RUFY4: variants seen among roughly 807,000 people sequenced by gnomAD.
The protein encoded by RUFY4 is RUN and FYVE domain containing 4, also known as RUN and FYVE domain-containing protein 4.
Under a neutral mutation model 69.0 loss-of-function variants are expected in RUFY4, and 73 were observed. The ratio of observed to expected loss-of-function variants is 1.06; its 90% CI spans 0.88 to 1.29. RUFY4 has a LOEUF of 1.29. Ranked by LOEUF, RUFY4 falls within the 50% of genes most tolerant of loss-of-function variation. RUFY4 has a pLI of 0.00. For missense variants in RUFY4, 770 were observed against 705.6 expected (o/e 1.09, Z -1.03); for synonymous variants, 287 against 271.8 (o/e 1.06, Z -0.55).
chr2:218,062,857 A>C (rs1051183339), intron 3 of RUFY4, among the ~76,000 whole-genome samples: 1 of 152,246 alleles, frequency 6.6e-6, no homozygotes, highest in Non-Finnish European at 1.5e-5. Context: ...ATGAGCAGAC[A>C]CAGCCAGCCT....
chr2:218,080,844 A>C (rs1411328434), intron 8 of RUFY4, among the ~76,000 whole-genome samples: 2 of 151,778 alleles, frequency 1.3e-5, no homozygotes, highest in African/African-American at 4.8e-5. Flanking sequence ...AGGTGTAGGG[A>C]GGCAAAAAGA....
intron 2 of RUFY4, among the ~76,000 whole-genome samples, chr2:218,048,526 A>G (rs1434631793): frequency 6.6e-6 from 1 of 152,048 alleles, no homozygotes; most frequent in African/African-American, 2.4e-5. Flanking sequence ...TATACCCAGA[A>G]TGGTATTTCC....
At chr2:218,089,255 G>C (rs1331583583) in exon 10 of RUFY4, 2 of 1,613,270 alleles carry the variant, frequency 1.2e-6, no homozygotes, top group Admixed American at 1.7e-5. Flanking sequence ...CCATCAGAGA[G>C]AAGGACCGCC....
intron 3 of RUFY4, chr2:218,060,900 A>G (rs1330290044): frequency 9.1e-7 from 1 of 1,096,740 alleles, no homozygotes; most frequent in Non-Finnish European, 1.4e-6. Context: ...GGACAGTAAC[A>G]GGAACAGGTT....
At chr2:218,089,412 C>A (rs774068216) in intron 10 of RUFY4, 50 bp downstream of exon 12, 2 of 1,515,640 alleles carry the variant, frequency 1.3e-6, no homozygotes, top group African/African-American at 1.4e-5. Context: ...CAGTTTCCAC[C>A]AGCTGACAGC....
chr2:218,044,799 C>T (rs1485329711), intron 2 of RUFY4, among the ~76,000 whole-genome samples: 1 of 152,174 alleles, frequency 6.6e-6, no homozygotes, highest in Non-Finnish European at 1.5e-5. Flanking sequence ...GCATAGTATT[C>T]CATGGTGTAT....
chr2:218,075,535 C>T (rs755542321), exon 7 of RUFY4: 2 of 1,549,280 alleles, frequency 1.3e-6, no homozygotes, highest in Non-Finnish European at 1.7e-6. Context: ...CTGCTGATGC[C>T]CAGCCCCAGA....
intron 4 of RUFY4, 138 bp from the exon 7 acceptor site, chr2:218,073,105 A>C: frequency 8.3e-7 from 1 of 1,206,904 alleles, no homozygotes; most frequent in Non-Finnish European, 1.1e-6. Context: ...AAGGGCCACA[A>C]CTCTGCCTGG....
Position 218,070,985 on chromosome 2 carries a change from C to T in RUFY4, c.153+126C>T. 1.3e-5 allele frequency: 9 copies of T among 674,926 alleles called. No homozygotes were observed. In the South Asian group the frequency reaches 1.5e-4, roughly 12 times the overall value. The allele number at this position is 674,926 out of a possible 1,614,324, so 41.8% of individuals were successfully genotyped here. On this transcript the variant is annotated intron_variant, in intron 2 of 10. Transcript: ENST00000344321. Reference sequence around the variant, plus strand: ...CCATGCACTGTGTCATCTCCCTCTCCCTCCTGACACCTAACCTCACTCTTG... The same window carrying T: ...CCATGCACTGTGTCATCTCCCTCTCTCTCCTGACACCTAACCTCACTCTTG...
intron 9 of RUFY4, among the ~76,000 whole-genome samples, chr2:218,087,614 A>G (rs1248906024): frequency 1.3e-5 from 2 of 152,192 alleles, no homozygotes; most frequent in Non-Finnish European, 2.9e-5. Flanking sequence ...GGATCTCCTG[A>G]GTTCAGGAGT....
intron 2 of RUFY4, among the ~76,000 whole-genome samples, chr2:218,047,561 A>T (rs554495071): frequency 7.4e-4 from 113 of 152,304 alleles, no homozygotes; most frequent in African/African-American, 2.7e-3. Flanking sequence ...CATTTTTCAC[A>T]TACATATTTG....
chr2:218,075,586 C>T lies in RUFY4; in HGVS notation c.1094C>T (p.Ser365Leu), dbSNP rs773995516. Residue 365 changes from serine to leucine, a missense_variant, in exon 7 of 11, where the codon TCG becomes TTG. Coordinates refer to ENST00000344321, the Ensembl canonical transcript of RUFY4. ...GCAGTATCAGGGAGCAGGCAGGGGT[C>T]GGGGGGCTCTAGCATCCTGGGGGAG... is the stretch of plus-strand genomic sequence containing the variant. The T allele has an allele frequency of 3.9e-6, 6 of 1,524,724 alleles. No individual in the cohort carries two copies. In the East Asian group the frequency reaches 6.8e-5, roughly 17 times the overall value. The allele number at this position is 1,524,724 out of a possible 1,614,324, so 94.4% of individuals were successfully genotyped here.
upstream of RUFY4, among the ~76,000 whole-genome samples, chr2:218,068,022 C>T (rs1414575021): frequency 2.6e-5 from 4 of 152,072 alleles, no homozygotes; most frequent in East Asian, 1.9e-4. Context: ...GAGAAACCAG[C>T]GCCACACCTG....
chr2:218,068,276 G>T (rs1257366655), upstream of RUFY4, among the ~76,000 whole-genome samples: 1 of 152,080 alleles, frequency 6.6e-6, no homozygotes, highest in Non-Finnish European at 1.5e-5. Context: ...GAAGGGCAGG[G>T]TGCTGGAGGA....
intron 8 of RUFY4, among the ~76,000 whole-genome samples, chr2:218,076,851 T>A (rs1559435264): frequency 6.6e-6 from 1 of 152,162 alleles, no homozygotes; most frequent in Non-Finnish European, 1.5e-5. Flanking sequence ...CTCTCTCTTT[T>A]TCACCCTCTC....
At chr2:218,074,009 G>A in intron 6 of RUFY4, 124 bp downstream of exon 8, 1 of 945,398 alleles carries the variant, frequency 1.1e-6, no homozygotes, top group Non-Finnish European at 1.7e-6. Context: ...AGGACAGACA[G>A]AGCAAGAGGC....
At chr2:218,058,258 C>T (rs942149375) in intron 2 of RUFY4, among the ~76,000 whole-genome samples, 1 of 152,196 alleles carries the variant, frequency 6.6e-6, no homozygotes, top group African/African-American at 2.4e-5. Flanking sequence ...TTCTCCTTAG[C>T]TTTTCCTTTA....
At position 218,057,396 on chromosome 2, in the gene RUFY4, A is replaced by G. The variant is rs890063087; in HGVS notation, c.-1157-1199A>G. ...CCTTTATAAATCTACATATATTATA[A>G]TTTTTTATACAAATGGGTAAGCCAT... On this transcript the variant is annotated intron_variant and NMD_transcript_variant, in intron 2 of 13. Transcript: ENST00000457754. Among the ~76,000 whole-genome samples, 6 of 152,102 alleles carry G rather than the reference A, an allele frequency of 3.9e-5. No homozygotes were observed. The East Asian group carries it at 1.2e-3, about 29-fold the overall frequency.
chr2:218,069,947 A>C (rs1200709015), upstream of RUFY4, among the ~76,000 whole-genome samples: 2 of 152,232 alleles, frequency 1.3e-5, no homozygotes, highest in Non-Finnish European at 2.9e-5. Flanking sequence ...CCTGCTCCCC[A>C]CACACACGCA....
Sources: allele counts gnomAD v4.1 joint callset (sites outside exome capture counted in the v4.1 genomes callset), GRCh38; gene constraint gnomAD v4.1.1; transcripts MANE v1.5; gene names NCBI Gene and HGNC (gene_info 2026-07-23, HGNC 2026-07-21).